The following CHD1 variants were observed in gnomAD, a reference collection of about 807,000 sequenced individuals.
CHD1 encodes chromodomain helicase DNA binding protein 1, also known as ATP-dependent chromatin remodeler CHD1.
A neutral mutation model predicts 224.2 loss-of-function variants in CHD1; 36 were observed. The ratio of observed to expected loss-of-function variants is 0.16; its 90% CI spans 0.12 to 0.21. CHD1 has a LOEUF of 0.21. Among genes scored for constraint, CHD1 ranks in the 10% least tolerant of loss-of-function variants. The pLI is 1.00. For synonymous variants in CHD1, 668 were observed against 658.3 expected, an observed-to-expected ratio of 1.01 and a Z score of -0.23; for missense variants, 1,378 against 1,994.8, an observed-to-expected ratio of 0.69 and a Z score of 5.89.
chr5:98,871,369 C>CAAAAAAAAAAAAA (rs61406690), intron 28 of CHD1, among the ~76,000 whole-genome samples: 2 of 46,780 alleles, frequency 4.3e-5, no homozygotes, highest in African/African-American at 2.2e-4. Flanking sequence ...CCATTTTAGG[C>CAAAAAAAAAAAAA]AAAAAAAAAA....
chr5:98,903,505 T>C (rs1751858436), intron 4 of CHD1, among the ~76,000 whole-genome samples: 2 of 152,202 alleles, frequency 1.3e-5, no homozygotes, highest in Admixed American at 6.5e-5. Flanking sequence ...TGTAGGTGCA[T>C]ATCACATTTA....
At chr5:98,874,341 A>G (rs1352490715) in intron 25 of CHD1, among the ~76,000 whole-genome samples, 1 of 152,128 alleles carries the variant, frequency 6.6e-6, no homozygotes, top group Non-Finnish European at 1.5e-5. Context: ...CTTCAAAAAA[A>G]CTATCTTAAT....
chr5:98,916,750 T>A (rs1005616554), intron 2 of CHD1, among the ~76,000 whole-genome samples: 20 of 152,168 alleles, frequency 1.3e-4, no homozygotes, highest in African/African-American at 4.3e-4. Flanking sequence ...GTGAGTCATT[T>A]GGTTAAAAAA....
chr5:98,887,237 AAT>A (rs923134140), intron 17 of CHD1, among the ~76,000 whole-genome samples: 2 of 152,162 alleles, frequency 1.3e-5, no homozygotes, highest in African/African-American at 2.4e-5. Context: ...ATTATTTCTC[AAT>A]GATATTCCTA....
At chr5:98,895,262 TAA>T (rs34589228) in intron 12 of CHD1, among the ~76,000 whole-genome samples, 8,955 of 152,214 alleles carry the variant, frequency 0.059, 872 homozygotes, top group African/African-American at 0.21. Flanking sequence ...TAAGAAAACA[TAA>T]GTGATTAATT....
chr5:98,901,499 A>G (rs560674131), intron 5 of CHD1, among the ~76,000 whole-genome samples, 164 bp from the exon 6 acceptor site: 1 of 152,284 alleles, frequency 6.6e-6, no homozygotes, highest in South Asian at 2.1e-4. Context: ...CACTCTGGAA[A>G]ATATTCTTCA....
intron 16 of CHD1, among the ~76,000 whole-genome samples, 166 bp from the exon 17 acceptor site, chr5:98,888,406 C>G (rs1224478886): frequency 6.6e-6 from 1 of 152,190 alleles, no homozygotes; most frequent in Admixed American, 6.5e-5. Flanking sequence ...CCATTTCACT[C>G]TATGACTGAA....
At chr5:98,896,927 C>T (rs146027331) in intron 11 of CHD1, among the ~76,000 whole-genome samples, 91 of 151,906 alleles carry the variant, frequency 6.0e-4, no homozygotes, top group African/African-American at 2.1e-3. Context: ...CCAGGAATAG[C>T]ATGGGATGAG....
intron 23 of CHD1, among the ~76,000 whole-genome samples, chr5:98,876,791 G>A (rs938837013): frequency 4.6e-5 from 7 of 152,148 alleles, no homozygotes; most frequent in African/African-American, 1.2e-4. Flanking sequence ...TTCTACTGAC[G>A]CAGCAACATA....
intron 2 of CHD1, among the ~76,000 whole-genome samples, chr5:98,924,849 G>C (rs966135966): frequency 4.6e-5 from 7 of 152,016 alleles, no homozygotes; most frequent in Non-Finnish European, 1.0e-4. Flanking sequence ...GTGGTGGCTA[G>C]CGCCTGTAAT....
intron 14 of CHD1, 53 bp from the exon 15 acceptor site, chr5:98,892,766 G>T: frequency 7.8e-7 from 1 of 1,285,416 alleles, no homozygotes; most frequent in Non-Finnish European, 1.1e-6. Flanking sequence ...AATTGTGTAT[G>T]TTGTGTATGA....
chr5:98,889,357 T>C (rs1750856041), intron 15 of CHD1, 119 bp from the exon 16 acceptor site: 1 of 683,612 alleles, frequency 1.5e-6, no homozygotes, highest in Non-Finnish European at 2.4e-6. Flanking sequence ...TGTACCGTTA[T>C]AAAATTCACA....
intron 25 of CHD1, among the ~76,000 whole-genome samples, chr5:98,874,590 T>C (rs1212349067): frequency 6.7e-6 from 1 of 149,136 alleles, no homozygotes; most frequent in East Asian, 2.0e-4. Flanking sequence ...CATGCGCCTG[T>C]AGTCCCAGCT....
At chr5:98,897,998 GA>G (rs1751452515) in intron 10 of CHD1, among the ~76,000 whole-genome samples, 1 of 151,844 alleles carries the variant, frequency 6.6e-6, no homozygotes, top group South Asian at 2.1e-4. Context: ...CAAGATAAAA[GA>G]CAACACTTAA....
intron 2 of CHD1, among the ~76,000 whole-genome samples, chr5:98,923,441 G>T (rs1336784838): frequency 6.6e-5 from 10 of 150,554 alleles, no homozygotes; most frequent in Non-Finnish European, 1.2e-4. Flanking sequence ...TTTTGAGACG[G>T]AGTTTCACTT....
At chr5:98,867,960 AC>A (rs1749023607) in intron 31 of CHD1, among the ~76,000 whole-genome samples, 2 of 151,018 alleles carry the variant, frequency 1.3e-5, no homozygotes, top group African/African-American at 4.9e-5. Context: ...TCGCCAACAC[AC>A]CCAGTTAATT....
At chr5:98,874,736 T>C (rs1749621373) in intron 25 of CHD1, among the ~76,000 whole-genome samples, 1 of 149,688 alleles carries the variant, frequency 6.7e-6, no homozygotes. Context: ...AAAGGCTGGG[T>C]TAGCAACTCA....
chr5:98,874,942 A>G (rs1749640727), intron 25 of CHD1, 130 bp downstream of exon 25: 2 of 600,804 alleles, frequency 3.3e-6, no homozygotes, highest in Non-Finnish European at 6.0e-6. Flanking sequence ...TTTCCCTTGT[A>G]CATTAATTTT....
intron 17 of CHD1, among the ~76,000 whole-genome samples, chr5:98,887,775 C>T (rs1486979806): frequency 2.0e-5 from 3 of 152,040 alleles, no homozygotes; most frequent in African/African-American, 7.2e-5. Flanking sequence ...GGCTCCCCTG[C>T]TTTTAGATCT....
Sources: allele counts gnomAD v4.1 joint callset (sites outside exome capture counted in the v4.1 genomes callset), GRCh38; gene constraint gnomAD v4.1.1; transcripts MANE v1.5; gene names NCBI Gene and HGNC (gene_info 2026-07-23, HGNC 2026-07-21).